Variants in ITGA1 observed in about 807,000 individuals in gnomAD.
ITGA1 encodes the protein integrin subunit alpha 1.
A neutral mutation model predicts 145.9 loss-of-function variants in ITGA1; 85 were observed. The observed-to-expected ratio is 0.58, with a 90% CI of 0.49 to 0.70. The LOEUF (loss-of-function observed/expected upper bound fraction) is 0.70, where lower values mean the gene tolerates loss of function less well. Ranked by LOEUF, ITGA1 falls within the 30% of genes least tolerant of loss-of-function variation. ITGA1 has a pLI of 0.00. For synonymous variants in ITGA1, 520 were observed against 495.3 expected, an observed-to-expected ratio of 1.05 and a Z score of -0.66; for missense variants, 1,351 against 1,418.7, an observed-to-expected ratio of 0.95 and a Z score of 0.77.
At chr5:52,899,365 G>A (rs1750280264) in intron 11 of ITGA1, among the ~76,000 whole-genome samples, 1 of 152,170 alleles carries the variant, frequency 6.6e-6, no homozygotes, top group African/African-American at 2.4e-5. Flanking sequence ...TATTAAAGCT[G>A]TAGGAGCAGC....
intron 6 of ITGA1, among the ~76,000 whole-genome samples, chr5:52,871,926 T>C (rs968641493): frequency 2.0e-5 from 3 of 152,198 alleles, no homozygotes; most frequent in African/African-American, 7.2e-5. Context: ...GGTGTAAACA[T>C]TATGGAGGTC....
intron 7 of ITGA1, among the ~76,000 whole-genome samples, chr5:52,886,950 T>C (rs536382037): frequency 2.0e-4 from 31 of 152,144 alleles, no homozygotes; most frequent in Non-Finnish European, 4.1e-4. Context: ...GGCTAATTTT[T>C]TGTATTTTAG....
At chr5:52,876,971 T>C (rs778858213) in intron 6 of ITGA1, among the ~76,000 whole-genome samples, 19 of 152,238 alleles carry the variant, frequency 1.2e-4, no homozygotes, top group Middle Eastern at 3.4e-3. Flanking sequence ...GGAGTTCATA[T>C]TGGGGAGTCC....
intron 10 of ITGA1, among the ~76,000 whole-genome samples, 169 bp downstream of exon 10, chr5:52,897,697 G>T (rs1750248037): frequency 1.3e-5 from 2 of 152,148 alleles, no homozygotes; most frequent in South Asian, 2.1e-4. Context: ...CATTTCACAA[G>T]CTTCTTATTA....
intron 28 of ITGA1, among the ~76,000 whole-genome samples, chr5:52,951,852 A>G (rs1000734354): frequency 6.6e-6 from 1 of 152,228 alleles, no homozygotes; most frequent in African/African-American, 2.4e-5. Context: ...TGTGTATACT[A>G]TATTTTACTA....
At chr5:52,944,695 T>C (rs534850971) in intron 26 of ITGA1, among the ~76,000 whole-genome samples, 2 of 152,308 alleles carry the variant, frequency 1.3e-5, no homozygotes, top group African/African-American at 4.8e-5. Flanking sequence ...GATAAATCAA[T>C]ACAAAATATT....
intron 1 of ITGA1, among the ~76,000 whole-genome samples, chr5:52,845,276 G>T (rs1453645522): frequency 2.0e-5 from 3 of 152,098 alleles, no homozygotes; most frequent in African/African-American, 7.2e-5. Flanking sequence ...GATTAAAGAT[G>T]ATCCTTTTCC....
Position 52,954,381 on chromosome 5 carries a change from C to T in ITGA1, c.*1930C>T, listed in dbSNP as rs1182761725. The T allele has an allele frequency of 6.6e-6, 1 of 152,138 alleles. No individual in the cohort carries two copies. Among genetic ancestry groups the T allele is most frequent in the Admixed American group, 6.6e-5 (1 of 15,266 alleles). 9.4% of individuals were successfully genotyped at this position (152,138 alleles called of 1,614,324 possible). On this transcript the variant is annotated 3_prime_UTR_variant, in exon 29 of 29. Transcript: ENST00000282588. ...ATACTCAGCATCTGTGACTACTAGA[C>T]AAAGCCCATTTACTGAACCATAAGT...
intron 27 of ITGA1, among the ~76,000 whole-genome samples, chr5:52,945,649 T>C (rs1263562232): frequency 6.6e-6 from 1 of 152,120 alleles, no homozygotes; most frequent in African/African-American, 2.4e-5. Flanking sequence ...ATAAAATAAG[T>C]ACTTGTTACA....
intron 28 of ITGA1, among the ~76,000 whole-genome samples, chr5:52,949,917 T>G (rs1163783481): frequency 6.6e-6 from 1 of 152,202 alleles, no homozygotes; most frequent in Non-Finnish European, 1.5e-5. Context: ...CTTCCTTCCT[T>G]TCCTGAATCC....
At chr5:52,819,345 G>T (rs1311504568) in intron 1 of ITGA1, among the ~76,000 whole-genome samples, 1 of 152,146 alleles carries the variant, frequency 6.6e-6, no homozygotes, top group African/African-American at 2.4e-5. Flanking sequence ...CATTCTAACT[G>T]GTGTCAGATG....
intron 6 of ITGA1, among the ~76,000 whole-genome samples, chr5:52,874,931 AATATG>A (rs1749841831): frequency 1.3e-5 from 2 of 152,338 alleles, no homozygotes; most frequent in Non-Finnish European, 2.9e-5. Context: ...TGAGGTGTTG[AATATG>A]ATCCTCACAA....
At chr5:52,945,502 A>T (rs1421928) in intron 27 of ITGA1, among the ~76,000 whole-genome samples, 50,198 of 152,054 alleles carry the variant, frequency 0.33, 8,520 homozygotes, top group East Asian at 0.51. Context: ...GAAACAAAAA[A>T]GTGATGGTAT....
intron 1 of ITGA1, among the ~76,000 whole-genome samples, chr5:52,805,291 A>G (rs969524291): frequency 6.6e-6 from 1 of 152,180 alleles, no homozygotes; most frequent in African/African-American, 2.4e-5. Flanking sequence ...AGCATGCTAA[A>G]CTGCATTTCA....
At chr5:52,829,482 T>A (rs1749022825) in intron 1 of ITGA1, among the ~76,000 whole-genome samples, 2 of 152,106 alleles carry the variant, frequency 1.3e-5, no homozygotes, top group South Asian at 2.1e-4. Flanking sequence ...GGAAAAAAAA[T>A]TCACGGGATG....
chr5:52,836,463 C>T (rs760113500), intron 1 of ITGA1, among the ~76,000 whole-genome samples: 1 of 152,106 alleles, frequency 6.6e-6, no homozygotes, highest in African/African-American at 2.4e-5. Flanking sequence ...ATTTGATTTC[C>T]AAAATCTTTG....
chr5:52,918,927 T>C, intron 16 of ITGA1, 29 bp downstream of exon 16: 1 of 1,554,862 alleles, frequency 6.4e-7, no homozygotes, highest in Non-Finnish European at 8.7e-7. Flanking sequence ...GCAAGTACTT[T>C]TGGGTAGAGG....
chr5:52,958,537 C>G lies in ITGA1; in HGVS notation c.*6086C>G, dbSNP rs1040219428. ...AACCGTTTTATACAAGAGAACTCAA[C>G]ATTTACTGTTTTATTTCTGATATTG... On this transcript the variant is annotated 3_prime_UTR_variant, in exon 29 of 29. Coordinates refer to ENST00000282588, the MANE Select transcript of ITGA1 (RefSeq NM_181501.2). 6.6e-6 allele frequency: 1 copy of G among 152,146 alleles called. No individual in the cohort carries two copies. Among genetic ancestry groups the G allele is most frequent in the African/African-American group, 2.4e-5 (1 of 41,438 alleles). 9.4% of individuals were successfully genotyped at this position (152,146 alleles called of 1,614,324 possible). A position where few individuals can be genotyped will look rare whatever the true frequency, so the allele number is the denominator to read the frequency against.
rs1361163668 is a variant in ITGA1, at chr5:52,947,412, CT to C, written c.3450del (p.Phe1150LeufsTer7). On this transcript the variant is annotated frameshift_variant, in exon 28 of 29. Coordinates refer to ENST00000282588, the MANE Select transcript of ITGA1 (RefSeq NM_181501.2). LOFTEE classifies it high-confidence loss of function. ...RVPLWVILLS[A>X]FAGLLLLMLL... ...CCATTATGGGTCATCCTGCTGAGTG[CT>C]TTTGCCGGATTGTTGCTGTTAATGC... 5.6e-6 allele frequency: 9 copies of C among 1,613,592 alleles called. No homozygotes were observed. Among genetic ancestry groups the C allele is most frequent in the Non-Finnish European group, 7.6e-6 (9 of 1,179,684 alleles).
Sources: allele counts gnomAD v4.1 joint callset (sites outside exome capture counted in the v4.1 genomes callset), GRCh38; gene constraint gnomAD v4.1.1; transcripts MANE v1.5; gene names NCBI Gene and HGNC (gene_info 2026-07-23, HGNC 2026-07-21).